The following NRXN1 variants were observed in gnomAD, a reference collection of about 807,000 sequenced individuals.
The protein encoded by NRXN1 is neurexin-1.
A neutral mutation model predicts 150.9 loss-of-function variants in NRXN1; 39 were observed. That is an observed-to-expected ratio of 0.26 (90% CI 0.20 to 0.34). The LOEUF is 0.34. NRXN1 is among the 10% of genes least tolerant of loss of function. The pLI is 1.00. For missense variants in NRXN1, 1,815 were observed against 1,949.9 expected (o/e 0.93, Z 1.30); for synonymous variants, 924 against 757.0 (o/e 1.22, Z -3.62).
At chr2:49,926,488 C>CAGTT (rs770032835) in intron 22 of NRXN1, 11 of 396,400 alleles carry the variant, frequency 2.8e-5, no homozygotes, top group African/African-American at 8.2e-5. Context: ...AATGTTTGGA[C>CAGTT]AGTTAGTAAC....
rs561083072 is a variant in NRXN1, at chr2:50,935,826, A to G, written c.773-9871T>C. 1.8e-4 allele frequency among the ~76,000 whole-genome samples: 27 copies of G among 152,298 alleles called. No homozygotes were observed. The South Asian group carries it at 5.4e-3, about 30-fold the overall frequency. On this transcript the variant is annotated intron_variant, in intron 2 of 22. Transcript: ENST00000401669. ...ATGAAATGATGAAATAAAAAGTTTC[A>G]TGTCAAGAATGAGTAAGATGTATAA...
At chr2:50,292,502 T>C (rs958549551) in intron 17 of NRXN1, among the ~76,000 whole-genome samples, 1 of 152,184 alleles carries the variant, frequency 6.6e-6, no homozygotes, top group African/African-American at 2.4e-5. Flanking sequence ...CTTTAACCAC[T>C]GGTCAAAATG....
At chr2:50,158,265 G>C (rs1352732121) in intron 18 of NRXN1, among the ~76,000 whole-genome samples, 1 of 151,674 alleles carries the variant, frequency 6.6e-6, no homozygotes. Context: ...AGAGCCCACA[G>C]GATGCAAAAG....
intron 12 of NRXN1, among the ~76,000 whole-genome samples, chr2:50,520,640 A>T (rs1233812111): frequency 6.6e-6 from 1 of 151,978 alleles, no homozygotes; most frequent in East Asian, 1.9e-4. Flanking sequence ...TATTGGCTGA[A>T]CTAATTTTAC....
chr2:50,985,741 T>TA (rs1224715618), intron 2 of NRXN1, among the ~76,000 whole-genome samples: 1 of 151,566 alleles, frequency 6.6e-6, no homozygotes, highest in Non-Finnish European at 1.5e-5. Flanking sequence ...AAGCAAGAAA[T>TA]ACAGTTCAAA....
chr2:50,875,124 A>T (rs1008318201), intron 5 of NRXN1, among the ~76,000 whole-genome samples: 2 of 151,790 alleles, frequency 1.3e-5, no homozygotes, highest in Non-Finnish European at 2.9e-5. Context: ...ACTCTCCCCC[A>T]GGACAAACTT....
chr2:50,506,691 G>A, intron 12 of NRXN1, 74 bp from the exon 13 acceptor site: 1 of 1,505,892 alleles, frequency 6.6e-7, no homozygotes, highest in Non-Finnish European at 9.1e-7. Flanking sequence ...GAGAGTGAGA[G>A]AAAGAGACAA....
intron 5 of NRXN1, among the ~76,000 whole-genome samples, chr2:50,743,960 T>C (rs186886014): frequency 1.5e-4 from 23 of 152,252 alleles, no homozygotes; most frequent in African/African-American, 4.8e-4. Flanking sequence ...TAGCCCAAGA[T>C]TGCCCTCAAA....
chr2:50,873,990 T>C (rs1168918376), intron 5 of NRXN1, among the ~76,000 whole-genome samples: 1 of 151,936 alleles, frequency 6.6e-6, no homozygotes, highest in South Asian at 2.1e-4. Flanking sequence ...ATTCAATTTA[T>C]AATAATGCTG....
chr2:50,909,562 ATCT>A (rs1223482826), intron 5 of NRXN1, among the ~76,000 whole-genome samples: 2 of 152,004 alleles, frequency 1.3e-5, no homozygotes, highest in African/African-American at 4.8e-5. Context: ...CTTAAGTGTT[ATCT>A]CTGAGTCCTA....
chr2:50,312,643 T>G (rs1416974074), intron 17 of NRXN1: 2 of 467,222 alleles, frequency 4.3e-6, no homozygotes, highest in Non-Finnish European at 8.6e-6. Context: ...GAGGTATGTT[T>G]TGGAAGTAGG....
intron 17 of NRXN1, among the ~76,000 whole-genome samples, chr2:50,370,677 T>C (rs2079954591): frequency 6.6e-6 from 1 of 151,564 alleles, no homozygotes; most frequent in Admixed American, 6.6e-5. Flanking sequence ...TGTTAAGGAG[T>C]AGAAAGGGAA....
intron 5 of NRXN1, among the ~76,000 whole-genome samples, chr2:50,638,925 A>G (rs1367651747): frequency 6.6e-6 from 1 of 152,084 alleles, no homozygotes; most frequent in African/African-American, 2.4e-5. Flanking sequence ...CATATACAAT[A>G]CCTCAGCTTT....
intron 5 of NRXN1, among the ~76,000 whole-genome samples, chr2:50,799,586 C>T (rs1473858886): frequency 1.3e-5 from 2 of 152,152 alleles, no homozygotes; most frequent in South Asian, 4.2e-4. Flanking sequence ...GTCGAGTACC[C>T]ACATAACCAT....
chr2:50,843,724 C>G (rs994201759), intron 5 of NRXN1, among the ~76,000 whole-genome samples: 11 of 152,120 alleles, frequency 7.2e-5, no homozygotes, highest in African/African-American at 2.4e-4. Context: ...TCTAGGAGAG[C>G]CATGCCCAGG....
intron 17 of NRXN1, among the ~76,000 whole-genome samples, chr2:50,377,348 T>C (rs2080589338): frequency 6.6e-6 from 1 of 152,148 alleles, no homozygotes; most frequent in South Asian, 2.1e-4. Flanking sequence ...ACATGCAGTG[T>C]TTGGTTTTCT....
intron 17 of NRXN1, among the ~76,000 whole-genome samples, chr2:50,333,978 A>G (rs2076996690): frequency 6.6e-6 from 1 of 151,880 alleles, no homozygotes. Flanking sequence ...AGGACTTTTA[A>G]CAGTGAGGAT....
At chr2:50,292,528 G>A (rs1046817678) in intron 17 of NRXN1, among the ~76,000 whole-genome samples, 1 of 152,134 alleles carries the variant, frequency 6.6e-6, no homozygotes, top group African/African-American at 2.4e-5. Flanking sequence ...TTTCCCAACA[G>A]TCAGATCCAT....
At chr2:50,111,875 C>T (rs1320144695) in intron 18 of NRXN1, among the ~76,000 whole-genome samples, 2 of 152,100 alleles carry the variant, frequency 1.3e-5, no homozygotes, top group African/African-American at 4.8e-5. Flanking sequence ...TGTTAATAAG[C>T]TTAGATGCTA....
Sources: allele counts gnomAD v4.1 joint callset (sites outside exome capture counted in the v4.1 genomes callset), GRCh38; gene constraint gnomAD v4.1.1; transcripts MANE v1.5; gene names NCBI Gene and HGNC (gene_info 2026-07-23, HGNC 2026-07-21).